The following PABPC4L variants were observed in gnomAD, a reference collection of about 807,000 sequenced individuals.
The protein encoded by PABPC4L is polyadenylate-binding protein 4-like.
For synonymous variants in PABPC4L, 169 were observed against 164.1 expected (o/e 1.03, Z -0.23); for missense variants, 452 against 451.4 (o/e 1.00, Z -0.01).
At chr4:134,077,758 C>T in the PABPC4L span, among the ~76,000 whole-genome samples, 1 of 152,124 alleles carries the variant, frequency 6.6e-6, no homozygotes, top group Non-Finnish European at 1.5e-5. Context: ...ATTCTCATAT[C>T]TGTTTATTCC....
the PABPC4L span, among the ~76,000 whole-genome samples, chr4:134,098,871 G>A: frequency 4.6e-5 from 7 of 151,698 alleles, no homozygotes; most frequent in Admixed American, 2.0e-4. Flanking sequence ...AGAAGGAATA[G>A]TAAGTCAAAT....
chr4:133,998,774 T>C, the PABPC4L span, among the ~76,000 whole-genome samples: 1 of 152,000 alleles, frequency 6.6e-6, no homozygotes, highest in Non-Finnish European at 1.5e-5. Flanking sequence ...GTTGGATATT[T>C]TTCTTTTGCA....
At chr4:134,124,176 TG>T in the PABPC4L span, among the ~76,000 whole-genome samples, 3 of 152,032 alleles carry the variant, frequency 2.0e-5, no homozygotes, top group Admixed American at 6.6e-5. Context: ...TCATGCAAAT[TG>T]GGTTTTTTGT....
chr4:133,950,586 T>C, the PABPC4L span, among the ~76,000 whole-genome samples: 1 of 152,196 alleles, frequency 6.6e-6, no homozygotes, highest in African/African-American at 2.4e-5. Context: ...ATCATTTTTC[T>C]CCCATCAGGG....
chr4:134,167,964 TC>T, the PABPC4L span, among the ~76,000 whole-genome samples: 2 of 152,010 alleles, frequency 1.3e-5, no homozygotes, highest in Non-Finnish European at 1.5e-5. Flanking sequence ...ATAGAACATT[TC>T]ATATAACAGC....
At chr4:134,147,190 C>A in the PABPC4L span, among the ~76,000 whole-genome samples, 4 of 152,030 alleles carry the variant, frequency 2.6e-5, no homozygotes, top group Non-Finnish European at 2.9e-5. Context: ...TGTTAGAAAG[C>A]AACAACTCAT....
At chr4:134,077,972 A>G in the PABPC4L span, among the ~76,000 whole-genome samples, 1 of 152,164 alleles carries the variant, frequency 6.6e-6, no homozygotes, top group African/African-American at 2.4e-5. Flanking sequence ...AAAACAAAAC[A>G]AAACAAAGCA....
chr4:133,960,647 G>A, the PABPC4L span, among the ~76,000 whole-genome samples: 1 of 152,166 alleles, frequency 6.6e-6, no homozygotes, highest in Non-Finnish European at 1.5e-5. Context: ...TTCTTTTGCA[G>A]CTGGGAGGCA....
the PABPC4L span, among the ~76,000 whole-genome samples, chr4:134,041,277 A>G: frequency 6.6e-6 from 1 of 152,166 alleles, no homozygotes; most frequent in African/African-American, 2.4e-5. Context: ...ATGCACATGT[A>G]TGTTTATTGC....
the PABPC4L span, among the ~76,000 whole-genome samples, chr4:134,100,456 AT>A: frequency 2.6e-5 from 4 of 151,754 alleles, no homozygotes; most frequent in South Asian, 8.3e-4. Context: ...TATTAAAAAA[AT>A]ACGTTCATTT....
Position 134,201,245 on chromosome 4 carries a change from A to C in PABPC4L, c.-226T>G, listed in dbSNP as rs1729871547. 4 of 1,525,488 alleles carry C rather than the reference A, an allele frequency of 2.6e-6. No individual in the cohort carries two copies. In the East Asian group the frequency reaches 7.7e-5, roughly 29 times the overall value. 94.5% of individuals were successfully genotyped at this position (1,525,488 alleles called of 1,614,324 possible). A position where few individuals can be genotyped will look rare whatever the true frequency, so the allele number is the denominator to read the frequency against. On this transcript the variant is annotated splice_region_variant and 5_prime_UTR_variant, in exon 2 of 2. Coordinates refer to ENST00000421491, the MANE Select transcript of PABPC4L (RefSeq NM_001114734.2). ...GGCCCTCCTAGGACGCGGCAACAGA[A>C]CTGTGAAATCGCAAAGAGAGATTAT...
the PABPC4L span, among the ~76,000 whole-genome samples, chr4:133,975,461 T>TA: frequency 6.6e-6 from 1 of 152,124 alleles, no homozygotes; most frequent in African/African-American, 2.4e-5. Context: ...ATTGTGCATT[T>TA]AAAAAGGGTG....
chr4:134,133,981 T>A, the PABPC4L span, among the ~76,000 whole-genome samples: 1 of 152,038 alleles, frequency 6.6e-6, no homozygotes, highest in Admixed American at 6.6e-5. Flanking sequence ...CTATTCTCAA[T>A]TTTTAACTTA....
At chr4:133,983,303 C>A in the PABPC4L span, among the ~76,000 whole-genome samples, 1 of 151,834 alleles carries the variant, frequency 6.6e-6, no homozygotes, top group Non-Finnish European at 1.5e-5. Flanking sequence ...AAGGTAATAA[C>A]ATCTATATAT....
the PABPC4L span, among the ~76,000 whole-genome samples, chr4:134,066,654 C>A: frequency 6.6e-6 from 1 of 152,026 alleles, no homozygotes; most frequent in East Asian, 1.9e-4. Context: ...TTTGCCCGTA[C>A]AGTATGATGT....
chr4:133,998,001 C>T, the PABPC4L span, among the ~76,000 whole-genome samples: 29 of 151,820 alleles, frequency 1.9e-4, no homozygotes, highest in African/African-American at 6.8e-4. Flanking sequence ...AATTTTTAAA[C>T]TTCAAGTACC....
the PABPC4L span, among the ~76,000 whole-genome samples, chr4:134,077,675 CT>C: frequency 1.3e-5 from 2 of 152,148 alleles, no homozygotes; most frequent in South Asian, 2.1e-4. Context: ...ATCCTTTACG[CT>C]TTTTTGTCTA....
At chr4:134,066,064 G>C in the PABPC4L span, among the ~76,000 whole-genome samples, 1 of 151,964 alleles carries the variant, frequency 6.6e-6, no homozygotes, top group Non-Finnish European at 1.5e-5. Context: ...TGTTCTTTTT[G>C]CTAGGCTTGC....
chr4:134,000,865 T>C, the PABPC4L span, among the ~76,000 whole-genome samples: 1 of 152,226 alleles, frequency 6.6e-6, no homozygotes, highest in South Asian at 2.1e-4. Flanking sequence ...GCAATCTGGC[T>C]TCCAGGCCTT....
Sources: allele counts gnomAD v4.1 joint callset (sites outside exome capture counted in the v4.1 genomes callset), GRCh38; gene constraint gnomAD v4.1.1; transcripts MANE v1.5; gene names NCBI Gene and HGNC (gene_info 2026-07-23, HGNC 2026-07-21).